LEPR: variants seen among roughly 807,000 people sequenced by gnomAD.
LEPR encodes leptin receptor.
A neutral mutation model predicts 114.7 loss-of-function variants in LEPR; 56 were observed. The observed-to-expected ratio is 0.49, with a 90% confidence interval of 0.39 to 0.61. The LOEUF (loss-of-function observed/expected upper bound fraction) is 0.61. Ranked by LOEUF, LEPR falls within the 20% of genes least tolerant of loss-of-function variation. The probability of loss-of-function intolerance (pLI) is 0.00; values close to 1 mark genes in which losing one functional copy is unlikely to be tolerated. For synonymous variants in LEPR, 443 were observed against 461.4 expected, an observed-to-expected ratio of 0.96 and a Z score of 0.51; for missense variants, 1,202 against 1,352.9, an observed-to-expected ratio of 0.89 and a Z score of 1.75.
At chr1:65,484,633 A>G (rs913605259) in intron 2 of LEPR, among the ~76,000 whole-genome samples, 4 of 152,218 alleles carry the variant, frequency 2.6e-5, no homozygotes, top group Non-Finnish European at 5.9e-5. Flanking sequence ...GGTGAGGCAT[A>G]GTGCCATCAG....
intron 6 of LEPR, among the ~76,000 whole-genome samples, chr1:65,593,307 A>G (rs1478177336): frequency 6.6e-6 from 1 of 152,098 alleles, no homozygotes; most frequent in Non-Finnish European, 1.5e-5. Context: ...GGGACAAACA[A>G]TAGTAGGCAG....
At chr1:65,468,665 C>T (rs1647045437) in intron 2 of LEPR, among the ~76,000 whole-genome samples, 2 of 152,166 alleles carry the variant, frequency 1.3e-5, no homozygotes, top group Admixed American at 6.5e-5. Context: ...TTCTGCTCTG[C>T]TGTCATAGGG....
At chr1:65,538,146 AT>A (rs1354400239) in intron 2 of LEPR, among the ~76,000 whole-genome samples, 1 of 150,744 alleles carries the variant, frequency 6.6e-6, no homozygotes, top group East Asian at 2.0e-4. Flanking sequence ...TACTTTCTTT[AT>A]TTTTTTGAAT....
intron 2 of LEPR, among the ~76,000 whole-genome samples, chr1:65,484,714 T>C (rs1297261056): frequency 6.6e-6 from 1 of 152,170 alleles, no homozygotes; most frequent in East Asian, 1.9e-4. Flanking sequence ...GGAAGGAAAG[T>C]TGTTCCACAC....
At chr1:65,431,813 G>C in intron 2 of LEPR, 1 of 1,612,776 alleles carries the variant, frequency 6.2e-7, no homozygotes, top group Non-Finnish European at 8.5e-7. Context: ...ATCAAATGGG[G>C]AGCCTGCGGC....
chr1:65,490,362 C>T (rs1647800269), intron 2 of LEPR, among the ~76,000 whole-genome samples: 1 of 152,040 alleles, frequency 6.6e-6, no homozygotes, highest in Admixed American at 6.6e-5. Flanking sequence ...TTTAAAAAAT[C>T]TTAAAAATTT....
chr1:65,485,437 A>G (rs1405610361), intron 2 of LEPR, among the ~76,000 whole-genome samples: 2 of 152,158 alleles, frequency 1.3e-5, no homozygotes, highest in Non-Finnish European at 2.9e-5. Flanking sequence ...CCAGGACCCA[A>G]ACCCTCTGCC....
intron 2 of LEPR, among the ~76,000 whole-genome samples, chr1:65,541,946 G>A (rs180717021): frequency 1.3e-5 from 2 of 152,214 alleles, no homozygotes; most frequent in Admixed American, 1.3e-4. Context: ...AGACTGTTCT[G>A]TTTTATATTT....
intron 2 of LEPR, among the ~76,000 whole-genome samples, chr1:65,539,046 T>TA (rs1650982350): frequency 7.1e-6 from 1 of 140,802 alleles, no homozygotes; most frequent in South Asian, 2.4e-4. Context: ...TTCTTTTTCT[T>TA]AAACATTTAT....
chr1:65,481,714 A>G (rs1244747304), intron 2 of LEPR, among the ~76,000 whole-genome samples: 1 of 151,950 alleles, frequency 6.6e-6, no homozygotes, highest in Non-Finnish European at 1.5e-5. Flanking sequence ...GAATTAATAC[A>G]TCATTATCAA....
At chr1:65,528,951 T>C (rs1416200812) in intron 2 of LEPR, among the ~76,000 whole-genome samples, 1 of 148,204 alleles carries the variant, frequency 6.7e-6, no homozygotes, top group African/African-American at 2.5e-5. Flanking sequence ...ATTACAGGCG[T>C]GTGCCTCCAC....
At chr1:65,509,653 G>A (rs1192527923) in intron 2 of LEPR, among the ~76,000 whole-genome samples, 1 of 151,998 alleles carries the variant, frequency 6.6e-6, no homozygotes, top group Non-Finnish European at 1.5e-5. Flanking sequence ...GGAATATGAG[G>A]TCCTTCTTTG....
At chr1:65,479,066 A>G (rs949190886) in intron 2 of LEPR, among the ~76,000 whole-genome samples, 4 of 152,218 alleles carry the variant, frequency 2.6e-5, no homozygotes, top group Non-Finnish European at 5.9e-5. Context: ...AGAATTTCCA[A>G]TCCCAGAGGA....
intron 12 of LEPR, 59 bp downstream of exon 12, chr1:65,608,960 G>GA: frequency 6.3e-7 from 1 of 1,593,210 alleles, no homozygotes; most frequent in Non-Finnish European, 8.6e-7. Context: ...TAATATGTAA[G>GA]AGTTTAATTG....
At chr1:65,434,165 A>G in intron 2 of LEPR, 1 of 984,256 alleles carries the variant, frequency 1.0e-6, no homozygotes, top group Non-Finnish European at 1.2e-6. Context: ...AGATTATTAG[A>G]TTTGCTCTAT....
At chr1:65,580,563 A>G (rs922944298) in intron 5 of LEPR, among the ~76,000 whole-genome samples, 3 of 152,220 alleles carry the variant, frequency 2.0e-5, no homozygotes, top group African/African-American at 7.2e-5. Context: ...TAATATTTTG[A>G]AACTGCTCTG....
rs547525522 is a variant in LEPR, at chr1:65,634,061, A to C, written c.2674-2130A>C. On this transcript the variant is annotated intron_variant, in intron 19 of 19. Transcript: ENST00000349533. Reference sequence around the variant, plus strand: ...AAAAGGGAGACTCTTTGGAGCTTTTATGAATAGTTCATGGTGAGGACAGAA... The same window carrying C: ...AAAAGGGAGACTCTTTGGAGCTTTTCTGAATAGTTCATGGTGAGGACAGAA... The C allele has an allele frequency of 4.1e-6, 4 of 985,414 alleles. No individual in the cohort carries two copies. The African/African-American group carries it at 7.0e-5, about 17-fold the overall frequency. The allele number at this position is 985,414 out of a possible 1,614,324, so 61.0% of individuals were successfully genotyped here. A position where few individuals can be genotyped will look rare whatever the true frequency, so the allele number is the denominator to read the frequency against.
chr1:65,555,844 G>A (rs992863565), intron 2 of LEPR, among the ~76,000 whole-genome samples: 1 of 152,092 alleles, frequency 6.6e-6, no homozygotes, highest in African/African-American at 2.4e-5. Context: ...ATTGTCAGTG[G>A]TGATTGGGAT....
At chr1:65,597,680 C>T (rs1165531346) in intron 7 of LEPR, among the ~76,000 whole-genome samples, 1 of 152,062 alleles carries the variant, frequency 6.6e-6, no homozygotes, top group Admixed American at 6.6e-5. Flanking sequence ...TGAAAGGCCT[C>T]TTGGGCCATG....
Sources: allele counts gnomAD v4.1 joint callset (sites outside exome capture counted in the v4.1 genomes callset), GRCh38; gene constraint gnomAD v4.1.1; transcripts MANE v1.5; gene names NCBI Gene and HGNC (gene_info 2026-07-23, HGNC 2026-07-21).